The following MDN1 variants were observed in gnomAD, a reference collection of about 807,000 sequenced individuals.
MDN1 encodes midasin.
Under a neutral mutation model 669.2 loss-of-function variants are expected in MDN1, and 266 were observed. The ratio of observed to expected loss-of-function variants is 0.40; its 90% CI spans 0.36 to 0.44. The LOEUF (loss-of-function observed/expected upper bound fraction) is 0.44, where lower values mean the gene tolerates loss of function less well. MDN1 is among the 20% of genes least tolerant of loss of function. The pLI, the probability that MDN1 is intolerant of heterozygous loss-of-function variation, is 1.00. For synonymous variants in MDN1, 2,385 were observed against 2,457.1 expected, an observed-to-expected ratio of 0.97 and a Z score of 0.87; for missense variants, 5,940 against 6,754.0, an observed-to-expected ratio of 0.88 and a Z score of 4.22.
chr6:89,735,942 C>G (rs1467501576), intron 33 of MDN1, among the ~76,000 whole-genome samples: 1 of 152,148 alleles, frequency 6.6e-6, no homozygotes, highest in African/African-American at 2.4e-5. Flanking sequence ...ATTGCTTGAA[C>G]CCAGGAAGCA....
Position 89,710,696 on chromosome 6 carries a change from G to A in MDN1, c.7750C>T (p.Gln2584Ter). Reference protein sequence around the residue: ...GAVSNVFKILQPNTTDEFVIP... With the variant: ...GAVSNVFKIL Reference sequence around the variant, plus strand: ...AAGTGCATACCTGTTGTATTTGGTTGTAATATTTTGAAAACATTACTGACT... The same window carrying A: ...AAGTGCATACCTGTTGTATTTGGTTATAATATTTTGAAAACATTACTGACT... The change falls in exon 50 of 102, where the codon CAA becomes TAA. Residue 2584 changes from glutamine (Q) to a stop codon, truncating the protein, a stop_gained. Coordinates refer to ENST00000369393, the MANE Select transcript of MDN1 (RefSeq NM_014611.3). LOFTEE classifies it high-confidence loss of function. The A allele has an allele frequency of 6.3e-7, 1 of 1,583,128 alleles. No homozygotes were observed. Among genetic ancestry groups the A allele is most frequent in the East Asian group, 2.3e-5 (1 of 43,696 alleles).
At chr6:89,670,170 A>ATATTTTT (rs1444537561) in intron 83 of MDN1, among the ~76,000 whole-genome samples, 14 of 23,400 alleles carry the variant, frequency 6.0e-4, no homozygotes, top group East Asian at 6.7e-3. Context: ...ATATATATAT[A>ATATTTTT]TTTTTTTTTT....
rs531225617 is a variant in MDN1, at chr6:89,725,898, C to T, written c.5473-502G>A. On this transcript the variant is annotated intron_variant, in intron 37 of 101. Transcript: ENST00000369393. ...TCCAATTCTATTATTCTTTATTTCC[C>T]ATGTATGTTAGAGATTTTGTCTGGT... Among the ~76,000 whole-genome samples, 8 of 150,958 alleles carry T rather than the reference C, an allele frequency of 5.3e-5. No individual in the cohort carries two copies. The South Asian group carries it at 1.7e-3, about 32-fold the overall frequency.
chr6:89,680,546 GA>G, intron 74 of MDN1, 42 bp downstream of exon 74: 1 of 1,599,680 alleles, frequency 6.3e-7, no homozygotes, highest in Non-Finnish European at 8.5e-7. Context: ...CGCCACTGGG[GA>G]AAACAGAAAG....
chr6:89,687,920 C>T (rs777911790), intron 67 of MDN1, among the ~76,000 whole-genome samples, 158 bp downstream of exon 67: 1 of 152,178 alleles, frequency 6.6e-6, no homozygotes, highest in Non-Finnish European at 1.5e-5. Flanking sequence ...GGGCAACAGC[C>T]TCACTTGCAA....
In MDN1 at chr6:89,815,285, T is replaced by C; in HGVS notation, c.102+4221A>G. 4 of 471,034 alleles carry C rather than the reference T, an allele frequency of 8.5e-6. No homozygotes were observed. The Admixed American group carries it at 9.4e-5, about 11-fold the overall frequency. 29.2% of individuals were successfully genotyped at this position (471,034 alleles called of 1,614,324 possible). A position where few individuals can be genotyped will look rare whatever the true frequency, so the allele number is the denominator to read the frequency against. On this transcript the variant is annotated intron_variant, in intron 1 of 101. Transcript: ENST00000369393. ...GCGCATCTGATAGTGACCTAGCACC[T>C]ATGGGGAGCAGGAATTCGGCATCTC...
At chr6:89,704,013 C>CAA (rs60168431) in intron 53 of MDN1, among the ~76,000 whole-genome samples, 4 of 104,000 alleles carry the variant, frequency 3.8e-5, no homozygotes, top group Admixed American at 1.0e-4. Context: ...AACTCCGTCT[C>CAA]AAAAAAAAAA....
chr6:89,767,454 T>C (rs758429659), intron 15 of MDN1, among the ~76,000 whole-genome samples: 5 of 152,160 alleles, frequency 3.3e-5, no homozygotes, highest in African/African-American at 7.2e-5. Flanking sequence ...ATAATAATAA[T>C]TGCTTCAAAA....
At chr6:89,761,381 G>A (rs938252327) in intron 17 of MDN1, among the ~76,000 whole-genome samples, 9 of 151,874 alleles carry the variant, frequency 5.9e-5, no homozygotes, top group African/African-American at 1.7e-4. Flanking sequence ...ATTCCATACC[G>A]TATTCATAAA....
At chr6:89,814,872 G>A (rs1034033590) in intron 1 of MDN1, 4 of 495,864 alleles carry the variant, frequency 8.1e-6, no homozygotes, top group African/African-American at 2.0e-5. Context: ...CTCCGGACAG[G>A]TACCTCCTAG....
chr6:89,805,982 G>A (rs1767985238), intron 1 of MDN1, among the ~76,000 whole-genome samples: 1 of 151,920 alleles, frequency 6.6e-6, no homozygotes, highest in African/African-American at 2.4e-5. Context: ...CTGTCGCCCA[G>A]ACTGAAGTAC....
At chr6:89,708,185 C>A (rs1002401507) in intron 51 of MDN1, among the ~76,000 whole-genome samples, 1 of 152,112 alleles carries the variant, frequency 6.6e-6, no homozygotes, top group East Asian at 1.9e-4. Flanking sequence ...TACCTGTAGT[C>A]CCAGGTACTT....
chr6:89,778,266 A>T (rs1818452648), intron 11 of MDN1, among the ~76,000 whole-genome samples: 4 of 151,584 alleles, frequency 2.6e-5, no homozygotes, highest in Admixed American at 2.6e-4. Flanking sequence ...TCAGTGGTAG[A>T]GTTAGTAGTT....
intron 83 of MDN1, among the ~76,000 whole-genome samples, chr6:89,670,170 AT>A (rs766450069): frequency 2.5e-3 from 58 of 23,402 alleles, no homozygotes; most frequent in African/African-American, 8.5e-3. Context: ...ATATATATAT[AT>A]TTTTTTTTTT....
intron 43 of MDN1, 66 bp downstream of exon 43, chr6:89,718,300 T>C: frequency 6.9e-7 from 1 of 1,445,188 alleles, no homozygotes; most frequent in Non-Finnish European, 9.4e-7. Flanking sequence ...TGTAAATCTA[T>C]TACGTGTAAA....
rs573768015 is a variant in MDN1, at chr6:89,770,826, T to C, written c.2144+735A>G. Among the ~76,000 whole-genome samples, 364 of 152,322 alleles carry C rather than the reference T, an allele frequency of 2.4e-3. 1 individual carries two copies. Among genetic ancestry groups the C allele is most frequent in the Non-Finnish European group, 2.7e-3 (186 of 68,024 alleles). On this transcript the variant is annotated intron_variant, in intron 15 of 101. Coordinates refer to ENST00000369393, the MANE Select transcript of MDN1 (RefSeq NM_014611.3). Reference sequence around the variant, plus strand: ...CCCAGAACTTACACTTTAGATCAACTGTACTGTATACACAAACATTAATTG... The same window carrying C: ...CCCAGAACTTACACTTTAGATCAACCGTACTGTATACACAAACATTAATTG...
At chr6:89,787,282 C>T (rs1819014664) in intron 8 of MDN1, among the ~76,000 whole-genome samples, 1 of 152,192 alleles carries the variant, frequency 6.6e-6, no homozygotes, top group Admixed American at 6.5e-5. Flanking sequence ...AAATAAACCA[C>T]TGCCTTCAGG....
At chr6:89,796,339 A>AAAC (rs1554199823) in intron 2 of MDN1, among the ~76,000 whole-genome samples, 1 of 108,890 alleles carries the variant, frequency 9.2e-6, no homozygotes, top group African/African-American at 3.3e-5. Context: ...AAAAAAAAAA[A>AAAC]AAAAAAAAAA....
chr6:89,683,768 T>C, intron 72 of MDN1, 63 bp downstream of exon 72: 1 of 1,243,224 alleles, frequency 8.0e-7, no homozygotes, highest in South Asian at 1.2e-5. Flanking sequence ...TATGTCGTTT[T>C]GCTCCCTACC....
Sources: gnomAD v4.1 joint callset for allele counts (sites outside exome capture counted in the v4.1 genomes callset) on GRCh38, gnomAD v4.1.1 for gene constraint, MANE v1.5 for transcripts, NCBI Gene and HGNC (gene_info 2026-07-23, HGNC 2026-07-21) for gene names.